TMEM138: variants seen among roughly 807,000 people sequenced by gnomAD.
The protein encoded by TMEM138 is transmembrane protein 138.
In TMEM138, 9 loss-of-function variants were observed where a neutral mutation model predicts 18.1. That is an observed-to-expected ratio of 0.50 (90% CI 0.30 to 0.87). The LOEUF (loss-of-function observed/expected upper bound fraction) is 0.87. Ranked by LOEUF, TMEM138 falls within the 40% of genes least tolerant of loss-of-function variation. TMEM138 has a pLI of 0.06. For synonymous variants in TMEM138, 79 were observed against 74.8 expected (o/e 1.06, Z -0.29); for missense variants, 189 against 190.6 (o/e 0.99, Z 0.05).
chr11:61,368,259 C>T (rs111684910), intron 4 of TMEM138: 13 of 587,700 alleles, frequency 2.2e-5, no homozygotes, highest in African/African-American at 5.5e-5. Flanking sequence ...CAGTCTTGCT[C>T]TGTCGCCCAG....
rs930533092 is a variant in TMEM138, at chr11:61,367,966, G to A, written c.344G>A (p.Gly115Glu). Residue 115 changes from glycine (G) to glutamate (E), a missense_variant, in exon 4 of 5, where the codon GGA becomes GAA. Coordinates refer to ENST00000278826, the MANE Select transcript of TMEM138 (RefSeq NM_016464.5). ...TCCAACAGCTTCATATGGACAGATG[G>A]ACTTCAAATGCTGTTTGTATTCCAG... is the stretch of plus-strand genomic sequence containing the variant. ...KNSNSFIWTD[G>E]LQMLFVFQRL... is the part of the protein sequence containing the mutation. 6.2e-7 allele frequency: 1 copy of A among 1,613,710 alleles called. No homozygotes were observed. The highest frequency in any genetic ancestry group is 1.3e-5 in the African/African-American group (1 of 75,046).
At chr11:61,376,135 G>A (rs1267053148), downstream of TMEM138, among the ~76,000 whole-genome samples, 1 of 152,164 alleles carries the variant, frequency 6.6e-6, no homozygotes, top group Non-Finnish European at 1.5e-5. Flanking sequence ...GATCACCTGA[G>A]GTCAGGAATT....
chr11:61,372,378 T>C (rs2135172856), downstream of TMEM138, among the ~76,000 whole-genome samples: 1 of 151,122 alleles, frequency 6.6e-6, no homozygotes, highest in South Asian at 2.1e-4. Flanking sequence ...CTCAGCTCAC[T>C]GCAACCTCTG....
chr11:61,367,655 G>A, intron 3 of TMEM138: 1 of 390,680 alleles, frequency 2.6e-6, no homozygotes. Context: ...CTGAGATAAT[G>A]AATATATCAT....
At chr11:61,364,628 C>G in intron 2 of TMEM138, 110 bp downstream of exon 2, 1 of 1,448,672 alleles carries the variant, frequency 6.9e-7, no homozygotes, top group Admixed American at 1.9e-5. Context: ...GTGGCTCACA[C>G]CCATAATCCC....
intron 2 of TMEM138, chr11:61,364,856 C>G (rs1858079771): frequency 6.3e-6 from 1 of 159,978 alleles, no homozygotes; most frequent in Admixed American, 6.5e-5. Flanking sequence ...GATCATGCCA[C>G]TGCACTCCAA....
At chr11:61,372,879 CTT>C (rs879429903), downstream of TMEM138, among the ~76,000 whole-genome samples, 1 of 145,666 alleles carries the variant, frequency 6.9e-6, no homozygotes. Flanking sequence ...AGAGAATTTA[CTT>C]TTTTTTTTTA....
chr11:61,368,022 CCT>C, intron 4 of TMEM138, 24 bp downstream of exon 4: 1 of 1,515,586 alleles, frequency 6.6e-7, no homozygotes, highest in Non-Finnish European at 9.2e-7. Context: ...CAAGGTCAGG[CCT>C]CTCTCAGGTC....
downstream of TMEM138, among the ~76,000 whole-genome samples, chr11:61,374,158 T>C (rs1858403950): frequency 6.7e-6 from 1 of 148,782 alleles, no homozygotes; most frequent in Non-Finnish European, 1.5e-5. Context: ...TTTTTTTTTT[T>C]TTTTTTTGAG....
chr11:61,375,470 G>C (rs1858423643), downstream of TMEM138, among the ~76,000 whole-genome samples: 1 of 151,608 alleles, frequency 6.6e-6, no homozygotes, highest in Non-Finnish European at 1.5e-5. Flanking sequence ...CTACAGGCAT[G>C]CGCCACCATG....
At chr11:61,368,480 C>T (rs1858233977) in intron 4 of TMEM138, 117 bp from the exon 5 acceptor site, 4 of 655,422 alleles carry the variant, frequency 6.1e-6, no homozygotes, top group Non-Finnish European at 1.1e-5. Context: ...CCTGCCTCTG[C>T]CTCCTAAAGT....
rs1858266938 is a variant in TMEM138, at chr11:61,369,075, C to T, written c.*366C>T. On this transcript the variant is annotated 3_prime_UTR_variant, in exon 5 of 5. Transcript: ENST00000278826. ...ACCTCCCAGCCCCCAAAGGATCTCC[C>T]AGTGACCAAAGGATGCGAAGAGTGA... The T allele has an allele frequency of 4.5e-6, 1 of 222,160 alleles. No homozygotes were observed. The highest frequency in any genetic ancestry group is 9.1e-6 in the Non-Finnish European group (1 of 110,094). 13.8% of individuals were successfully genotyped at this position (222,160 alleles called of 1,614,324 possible). A position where few individuals can be genotyped will look rare whatever the true frequency, so the allele number is the denominator to read the frequency against.
chr11:61,366,162 C>T lies in TMEM138; in HGVS notation c.246C>T (p.Ile82=), dbSNP rs917727852. The change falls in exon 3 of 5, where the codon ATC becomes ATT. Residue 82 remains isoleucine, a synonymous_variant. Transcript: ENST00000278826. ...NLLFHKFKGT[I]ILTAVYFALS... ...TATTCCATAAGTTCAAAGGGACCAT[C>T]ATCCTGACAGCTGTGTACTTTGCCC... 1.2e-6 allele frequency: 2 copies of T among 1,614,126 alleles called. No individual in the cohort carries two copies.
chr11:61,368,288 T>G, intron 4 of TMEM138: 2 of 535,482 alleles, frequency 3.7e-6, no homozygotes, highest in Non-Finnish European at 6.9e-6. Flanking sequence ...GCTGTGGCGC[T>G]ATCTCAGGCT....
At position 61,365,543 on chromosome 11, in the gene TMEM138, A is replaced by G. The variant is rs964781476; in HGVS notation, c.129-502A>G. Among the ~76,000 whole-genome samples, 5 of 152,132 alleles carry G rather than the reference A, an allele frequency of 3.3e-5. No individual in the cohort carries two copies. The Middle Eastern group carries it at 0.014, about 414-fold the overall frequency. On this transcript the variant is annotated intron_variant, in intron 2 of 4. Coordinates refer to ENST00000278826, the MANE Select transcript of TMEM138 (RefSeq NM_016464.5). Reference sequence around the variant, plus strand: ...GTGATCTGCCCACCTCGGCCTCCCAAAGTGCTGGGATTACAGGCATGAGCT... The same window carrying G: ...GTGATCTGCCCACCTCGGCCTCCCAGAGTGCTGGGATTACAGGCATGAGCT...
chr11:61,366,260 A>G lies in TMEM138; in HGVS notation c.300+44A>G, dbSNP rs1471207134. ...ATTCTTTTTTTAATTTTTATTTTAA[A>G]TAGAGGTGGGGTCTTACTTTGTTAC... On this transcript the variant is annotated intron_variant, in intron 3 of 4. Transcript: ENST00000278826. 1.7e-5 allele frequency: 27 copies of G among 1,585,992 alleles called. No homozygotes were observed. In the Admixed American group the frequency reaches 4.7e-4, roughly 28 times the overall value.
chr11:61,365,929 G>A, intron 2 of TMEM138, 116 bp from the exon 3 acceptor site: 1 of 1,314,258 alleles, frequency 7.6e-7, no homozygotes, highest in Non-Finnish European at 1.0e-6. Context: ...GGTTTAAGAT[G>A]TCAGATGCCT....
downstream of TMEM138, among the ~76,000 whole-genome samples, chr11:61,374,761 C>T (rs1297491893): frequency 6.6e-6 from 1 of 152,106 alleles, no homozygotes; most frequent in Non-Finnish European, 1.5e-5. Flanking sequence ...CCATCCTGGC[C>T]AACAAGGTGA....
rs1000624615 is a variant in TMEM138, at chr11:61,364,307, C to T, written c.-84C>T. 6.5e-7 allele frequency: 1 copy of T among 1,532,720 alleles called. No homozygotes were observed. The highest frequency in any genetic ancestry group is 8.9e-7 in the Non-Finnish European group (1 of 1,129,854). 94.9% of individuals were successfully genotyped at this position (1,532,720 alleles called of 1,614,324 possible). On this transcript the variant is annotated 5_prime_UTR_variant, in exon 2 of 5. Transcript: ENST00000278826. ...TCATTCAAAGGAACTAGAAGCCTCT[C>T]CCTCAGTGGTAGGGAGACAGCCAGG...
Sources: allele counts gnomAD v4.1 joint callset (sites outside exome capture counted in the v4.1 genomes callset), GRCh38; gene constraint gnomAD v4.1.1; transcripts MANE v1.5; gene names NCBI Gene and HGNC (gene_info 2026-07-23, HGNC 2026-07-21).